Variants in RAD51B observed in about 807,000 individuals in gnomAD.
RAD51B encodes DNA repair protein RAD51 homolog 2.
RAD51B carries 38 observed loss-of-function variants against 42.2 expected under a neutral mutation model. The ratio of observed to expected loss-of-function variants is 0.90; its 90% confidence interval spans 0.70 to 1.18. The LOEUF is 1.18. Among genes scored for constraint, RAD51B ranks in the 50% most tolerant of loss-of-function variants. The pLI, the probability that RAD51B is intolerant of heterozygous loss-of-function variation, is 0.00. For missense variants in RAD51B, 373 were observed against 400.7 expected, an observed-to-expected ratio of 0.93 and a Z score of 0.59; for synonymous variants, 154 against 145.2, an observed-to-expected ratio of 1.06 and a Z score of -0.43.
intron 7 of RAD51B, among the ~76,000 whole-genome samples, chr14:67,956,613 A>T (rs1270210711): frequency 6.6e-6 from 1 of 152,244 alleles, no homozygotes; most frequent in Non-Finnish European, 1.5e-5. Flanking sequence ...CATTTCACGT[A>T]GGAAATTTGA....
At chr14:67,862,231 A>G (rs987029218) in intron 4 of RAD51B, among the ~76,000 whole-genome samples, 7 of 152,258 alleles carry the variant, frequency 4.6e-5, no homozygotes, top group African/African-American at 1.7e-4. Flanking sequence ...ATTTCAAAAT[A>G]TCATCATATT....
At chr14:68,041,973 C>G (rs2076225232) in intron 7 of RAD51B, among the ~76,000 whole-genome samples, 1 of 152,132 alleles carries the variant, frequency 6.6e-6, no homozygotes, top group Non-Finnish European at 1.5e-5. Context: ...TGGAAACAGT[C>G]AAAGTGCTGG....
At chr14:67,981,658 C>G (rs1427732962) in intron 7 of RAD51B, among the ~76,000 whole-genome samples, 1 of 152,162 alleles carries the variant, frequency 6.6e-6, no homozygotes, top group African/African-American at 2.4e-5. Flanking sequence ...CATGTAACAA[C>G]ATGGATGGCA....
intron 10 of RAD51B, among the ~76,000 whole-genome samples, chr14:68,502,946 C>T (rs1885026668): frequency 6.6e-6 from 1 of 152,184 alleles, no homozygotes; most frequent in Admixed American, 6.5e-5. Flanking sequence ...GTGATGTGGG[C>T]CCCTGCGAGG....
intron 7 of RAD51B, among the ~76,000 whole-genome samples, chr14:68,181,298 C>CT (rs2079056801): frequency 6.6e-6 from 1 of 152,166 alleles, no homozygotes; most frequent in Admixed American, 6.5e-5. Flanking sequence ...GTAAATTACT[C>CT]TGAGTTTTAT....
rs147895777 is a variant in RAD51B at position 68,420,308 on chromosome 14, C to T, written c.957+8781C>T. Among the ~76,000 whole-genome samples the T allele has an allele frequency of 2.4e-3, 360 of 152,214 alleles. 3 individuals carry two copies. Among genetic ancestry groups the T allele is most frequent in the African/African-American group, 7.7e-3 (319 of 41,514 alleles). On this transcript the variant is annotated intron_variant, in intron 9 of 10. Transcript: ENST00000471583. The stretch of plus-strand genomic sequence containing the variant: ...TGCAAGAAAGAATTTGGGGTGAGTC[C>T]ATAAAGAGTCTACTTTGTGCCAGAG...
intron 7 of RAD51B, among the ~76,000 whole-genome samples, chr14:68,237,573 C>T (rs1279269454): frequency 6.6e-6 from 1 of 152,116 alleles, no homozygotes; most frequent in East Asian, 1.9e-4. Flanking sequence ...TTAGCAGTCA[C>T]TCTGCATTTC....
At chr14:68,370,921 C>A (rs1212669214) in intron 8 of RAD51B, among the ~76,000 whole-genome samples, 2 of 150,760 alleles carry the variant, frequency 1.3e-5, no homozygotes. Context: ...CCTGTAGTCC[C>A]AGCTGCTCAG....
At chr14:68,388,892 G>A (rs1262019105) in intron 8 of RAD51B, among the ~76,000 whole-genome samples, 1 of 152,194 alleles carries the variant, frequency 6.6e-6, no homozygotes, top group Non-Finnish European at 1.5e-5. Context: ...TTAATACCAT[G>A]TTGTCAAGGG....
intron 7 of RAD51B, among the ~76,000 whole-genome samples, chr14:68,007,723 T>C (rs1057353625): frequency 6.6e-6 from 1 of 151,998 alleles, no homozygotes; most frequent in Non-Finnish European, 1.5e-5. Flanking sequence ...TTTTTATTGT[T>C]GAGTTGTAAG....
chr14:68,076,084 T>A (rs1475547404), intron 7 of RAD51B, among the ~76,000 whole-genome samples: 1 of 152,208 alleles, frequency 6.6e-6, no homozygotes, highest in East Asian at 1.9e-4. Context: ...AAATCATGGC[T>A]CCATGACACA....
At chr14:68,391,174 C>CT (rs777841097) in intron 8 of RAD51B, among the ~76,000 whole-genome samples, 1 of 149,830 alleles carries the variant, frequency 6.7e-6, no homozygotes, top group African/African-American at 2.5e-5. Context: ...TTCTTTCTTT[C>CT]TTTCTTTCTT....
At chr14:68,375,464 T>A (rs968042903) in intron 8 of RAD51B, among the ~76,000 whole-genome samples, 5 of 152,326 alleles carry the variant, frequency 3.3e-5, no homozygotes, top group African/African-American at 1.2e-4. Flanking sequence ...CCTCATGTCA[T>A]TCTCCAATAT....
chr14:67,934,206 A>G lies in RAD51B; in HGVS notation c.756+47002A>G, dbSNP rs375632795. On this transcript the variant is annotated intron_variant, in intron 7 of 10. Transcript: ENST00000471583. ...ATCTTTTAATTAGAAAACTGTGAAT[A>G]CTCCATTGCTCACTAGGATCCTTGT... Among the ~76,000 whole-genome samples the G allele has an allele frequency of 3.9e-5, 6 of 152,094 alleles. No individual in the cohort carries two copies. In the East Asian group the frequency reaches 1.2e-3, roughly 29 times the overall value.
At chr14:68,477,392 T>C (rs1381730484) in intron 10 of RAD51B, among the ~76,000 whole-genome samples, 1 of 152,164 alleles carries the variant, frequency 6.6e-6, no homozygotes, top group Admixed American at 6.5e-5. Flanking sequence ...GTGGATGACC[T>C]CTTCCCACCC....
At chr14:67,954,594 A>G (rs369036618) in intron 7 of RAD51B, among the ~76,000 whole-genome samples, 1 of 152,200 alleles carries the variant, frequency 6.6e-6, no homozygotes, top group African/African-American at 2.4e-5. Context: ...TTTTAATACT[A>G]TGATGTGGGT....
At chr14:68,087,564 A>G (rs1352219910) in intron 7 of RAD51B, among the ~76,000 whole-genome samples, 2 of 151,954 alleles carry the variant, frequency 1.3e-5, no homozygotes, top group Non-Finnish European at 2.9e-5. Context: ...TCTGTGGTTT[A>G]ACGGAAAGAA....
At chr14:67,968,544 T>G (rs188083124) in intron 7 of RAD51B, among the ~76,000 whole-genome samples, 10 of 152,272 alleles carry the variant, frequency 6.6e-5, no homozygotes, top group Admixed American at 3.3e-4. Flanking sequence ...AAGTTCAAAG[T>G]TCCACAAATC....
chr14:68,095,951 G>A, intron 7 of RAD51B, among the ~76,000 whole-genome samples: 1 of 122,852 alleles, frequency 8.1e-6, no homozygotes, highest in Non-Finnish European at 1.6e-5. Context: ...CAGCCTGGGT[G>A]ACAGAGTGAG....
Sources: allele counts gnomAD v4.1 joint callset (sites outside exome capture counted in the v4.1 genomes callset), GRCh38; gene constraint gnomAD v4.1.1; transcripts MANE v1.5; gene names NCBI Gene and HGNC (gene_info 2026-07-23, HGNC 2026-07-21).